HECW1: variants seen among roughly 807,000 people sequenced by gnomAD.
The protein encoded by HECW1 is E3 ubiquitin-protein ligase HECW1.
Under a neutral mutation model 182.3 loss-of-function variants are expected in HECW1, and 61 were observed. The ratio of observed to expected loss-of-function variants is 0.33; its 90% CI spans 0.27 to 0.41. The LOEUF (loss-of-function observed/expected upper bound fraction) is 0.41. Ranked by LOEUF, HECW1 falls within the 10% of genes least tolerant of loss-of-function variation. The pLI is 1.00. For missense variants in HECW1, 1,739 were observed against 2,108.9 expected, an observed-to-expected ratio of 0.82 and a Z score of 3.44; for synonymous variants, 859 against 832.6, an observed-to-expected ratio of 1.03 and a Z score of -0.55.
intron 24 of HECW1, among the ~76,000 whole-genome samples, chr7:43,520,148 T>G (rs548984096): frequency 5.9e-5 from 9 of 152,342 alleles, no homozygotes; most frequent in African/African-American, 2.2e-4. Context: ...ACCTAAGGAC[T>G]TGATGCTGGG....
chr7:43,324,491 T>C (rs1279543063), intron 5 of HECW1, among the ~76,000 whole-genome samples: 2 of 152,176 alleles, frequency 1.3e-5, no homozygotes, highest in Non-Finnish European at 2.9e-5. Context: ...AATTAACAAG[T>C]AGGGAGAGAT....
intron 3 of HECW1, among the ~76,000 whole-genome samples, chr7:43,266,327 G>T (rs1801794046): frequency 6.6e-6 from 1 of 151,916 alleles, no homozygotes. Flanking sequence ...GTGTTTTTTT[G>T]TTTGTTTTGT....
intron 5 of HECW1, among the ~76,000 whole-genome samples, chr7:43,325,408 C>T (rs1810635801): frequency 6.6e-6 from 1 of 152,178 alleles, no homozygotes; most frequent in African/African-American, 2.4e-5. Context: ...TGTCAGAATC[C>T]TTCCAAGTCA....
At chr7:43,142,082 G>A (rs1453894720) in intron 2 of HECW1, among the ~76,000 whole-genome samples, 1 of 152,166 alleles carries the variant, frequency 6.6e-6, no homozygotes, top group African/African-American at 2.4e-5. Flanking sequence ...CTCTATGATA[G>A]AGAAAATTCT....
At chr7:43,450,545 G>A (rs1483727590) in intron 11 of HECW1, among the ~76,000 whole-genome samples, 1 of 152,142 alleles carries the variant, frequency 6.6e-6, no homozygotes, top group African/African-American at 2.4e-5. Context: ...GCCACTTTCT[G>A]ATTCAGGAAA....
At chr7:43,204,212 T>C (rs1373263276) in intron 2 of HECW1, among the ~76,000 whole-genome samples, 1 of 152,254 alleles carries the variant, frequency 6.6e-6, no homozygotes, top group Non-Finnish European at 1.5e-5. Flanking sequence ...AGTTCATTCT[T>C]ATCCTGAGGA....
chr7:43,379,836 A>G (rs986129565), intron 6 of HECW1, among the ~76,000 whole-genome samples: 2 of 151,736 alleles, frequency 1.3e-5, no homozygotes, highest in Admixed American at 1.3e-4. Flanking sequence ...TCCAATCACT[A>G]TTTTCATTCA....
At chr7:43,452,836 G>A (rs949171178) in intron 12 of HECW1, among the ~76,000 whole-genome samples, 2 of 152,218 alleles carry the variant, frequency 1.3e-5, no homozygotes, top group African/African-American at 4.8e-5. Context: ...TGAGGGTTAG[G>A]AGAGTTATCC....
At chr7:43,449,789 T>C (rs2077172547) in intron 11 of HECW1, among the ~76,000 whole-genome samples, 1 of 99,802 alleles carries the variant, frequency 1.0e-5, no homozygotes, top group African/African-American at 3.5e-5. Flanking sequence ...AGGAACCATC[T>C]GAAAAAAGGG....
rs1049398369 is a variant in HECW1 at position 43,318,029 on chromosome 7, C to T, written c.353-2606C>T. On this transcript the variant is annotated intron_variant, in intron 4 of 29. Transcript: ENST00000395891. The stretch of plus-strand genomic sequence containing the variant: ...ATTAGAAACTCCCTGAGAACATAGA[C>T]CGTGACTTGTTCACCAGTGTATCCC... 5.3e-5 allele frequency among the ~76,000 whole-genome samples: 8 copies of T among 152,254 alleles called. No individual in the cohort carries two copies. The East Asian group carries it at 1.2e-3, about 22-fold the overall frequency.
intron 16 of HECW1, 38 bp downstream of exon 16, chr7:43,469,143 G>T (rs747440525): frequency 2.5e-6 from 4 of 1,596,210 alleles, no homozygotes; most frequent in Non-Finnish European, 3.4e-6. Flanking sequence ...CATCAAACAG[G>T]CTCCTTCCCC....
chr7:43,497,531 G>A (rs1431459207), intron 19 of HECW1, among the ~76,000 whole-genome samples: 3 of 152,110 alleles, frequency 2.0e-5, no homozygotes, highest in Non-Finnish European at 4.4e-5. Context: ...AGCTGTGGTC[G>A]TTAAAAACAC....
chr7:43,455,281 G>T (rs1451462037), intron 12 of HECW1, among the ~76,000 whole-genome samples: 1 of 152,106 alleles, frequency 6.6e-6, no homozygotes, highest in East Asian at 1.9e-4. Context: ...TGACAGCTGC[G>T]TGTTGAATAT....
intron 2 of HECW1, among the ~76,000 whole-genome samples, chr7:43,178,883 T>C (rs1192323647): frequency 6.6e-6 from 1 of 152,220 alleles, no homozygotes; most frequent in Non-Finnish European, 1.5e-5. Context: ...CTTGTTAAAA[T>C]GGAAAGCTCA....
chr7:43,513,326 T>A (rs571700854), intron 24 of HECW1, among the ~76,000 whole-genome samples: 21 of 152,360 alleles, frequency 1.4e-4, no homozygotes, highest in African/African-American at 5.0e-4. Flanking sequence ...TGCTTGTTAC[T>A]GAAGGAAGGC....
At chr7:43,356,442 C>T (rs895979655) in intron 5 of HECW1, among the ~76,000 whole-genome samples, 1 of 152,164 alleles carries the variant, frequency 6.6e-6, no homozygotes, top group Non-Finnish European at 1.5e-5. Flanking sequence ...GAGAGATACA[C>T]TACAATATGA....
Position 43,545,250 on chromosome 7 carries a change from A to T in HECW1, c.4248+3252A>T, listed in dbSNP as rs371372437. Among the ~76,000 whole-genome samples the T allele has an allele frequency of 1.0e-3, 154 of 152,238 alleles. 1 individual carries two copies. Among genetic ancestry groups the T allele is most frequent in the African/African-American group, 3.3e-3 (138 of 41,460 alleles). On this transcript the variant is annotated intron_variant, in intron 26 of 29. Transcript: ENST00000395891. ...CTGACTTTTCATTTTATGGCCTTCTACACCACTTGAATTTTATTCCATGGC... is the reference window on the plus strand; with the variant it reads ...CTGACTTTTCATTTTATGGCCTTCTTCACCACTTGAATTTTATTCCATGGC...
chr7:43,157,364 T>C (rs1303347977), intron 2 of HECW1, among the ~76,000 whole-genome samples: 2 of 152,104 alleles, frequency 1.3e-5, no homozygotes, highest in African/African-American at 4.8e-5. Context: ...AAGACCAAAG[T>C]ATAAAAAAAA....
chr7:43,246,140 T>TAA (rs200748119), intron 3 of HECW1, among the ~76,000 whole-genome samples: 26 of 144,190 alleles, frequency 1.8e-4, no homozygotes, highest in Admixed American at 1.4e-4. Context: ...CTATGAAAAA[T>TAA]AAAAAAAAAA....
Sources: gnomAD v4.1 joint callset for allele counts (sites outside exome capture counted in the v4.1 genomes callset) on GRCh38, gnomAD v4.1.1 for gene constraint, MANE v1.5 for transcripts, NCBI Gene and HGNC (gene_info 2026-07-23, HGNC 2026-07-21) for gene names.